The following KALRN variants were observed in gnomAD, a reference collection of about 807,000 sequenced individuals.
KALRN encodes kalirin RhoGEF kinase.
KALRN carries 70 observed loss-of-function variants against 353.7 expected under a neutral mutation model. The observed-to-expected ratio is 0.20, with a 90% CI of 0.16 to 0.24. The LOEUF is 0.24. Ranked by LOEUF, KALRN falls within the 10% of genes least tolerant of loss-of-function variation. KALRN has a pLI of 1.00. For missense variants in KALRN, 2,791 were observed against 3,756.7 expected (o/e 0.74, Z 6.72); for synonymous variants, 1,391 against 1,434.8 (o/e 0.97, Z 0.69).
At chr3:124,621,058 GA>G (rs557148561) in intron 34 of KALRN, among the ~76,000 whole-genome samples, 109 of 152,308 alleles carry the variant, frequency 7.2e-4, no homozygotes, top group Non-Finnish European at 1.4e-3. Context: ...TGAGTCTTTG[GA>G]GATTGCCTGT....
chr3:124,528,434 A>G (rs372498289), intron 33 of KALRN, among the ~76,000 whole-genome samples: 7 of 152,206 alleles, frequency 4.6e-5, no homozygotes, highest in African/African-American at 1.7e-4. Flanking sequence ...GGGTAAATGT[A>G]GCTTCCCTAT....
intron 1 of KALRN, among the ~76,000 whole-genome samples, chr3:124,106,972 C>T (rs1475363003): frequency 1.3e-5 from 2 of 152,138 alleles, no homozygotes; most frequent in Non-Finnish European, 2.9e-5. Context: ...CTCTATCCTT[C>T]CTTGTTATCA....
At chr3:124,061,918 T>A (rs143373618) in intron 1 of KALRN, among the ~76,000 whole-genome samples, 166 of 143,264 alleles carry the variant, frequency 1.2e-3, no homozygotes, top group African/African-American at 3.9e-3. Flanking sequence ...GACTATTTAT[T>A]TAGAACAACA....
intron 13 of KALRN, among the ~76,000 whole-genome samples, chr3:124,404,935 G>A (rs1439278732): frequency 6.6e-6 from 1 of 152,112 alleles, no homozygotes; most frequent in Non-Finnish European, 1.5e-5. Flanking sequence ...CTCCACGTTT[G>A]TAACATGCCA....
At chr3:124,439,213 C>T (rs1441553065) in intron 18 of KALRN, among the ~76,000 whole-genome samples, 176 bp downstream of exon 18, 1 of 151,248 alleles carries the variant, frequency 6.6e-6, no homozygotes, top group Non-Finnish European at 1.5e-5. Flanking sequence ...CACACACACA[C>T]ACACACACAC....
At chr3:124,069,338 G>A (rs4678080) in intron 1 of KALRN, among the ~76,000 whole-genome samples, 1,191 of 111,500 alleles carry the variant, frequency 0.011, 24 homozygotes, top group East Asian at 0.048. Flanking sequence ...GGAGGAGGAG[G>A]AGGAGGAGGA....
At chr3:124,606,562 G>A (rs2077370278) in intron 34 of KALRN, among the ~76,000 whole-genome samples, 1 of 152,070 alleles carries the variant, frequency 6.6e-6, no homozygotes, top group Non-Finnish European at 1.5e-5. Context: ...GTTCTTTGAA[G>A]TTTCTACTTT....
At chr3:124,551,644 G>A (rs1470530251) in intron 33 of KALRN, among the ~76,000 whole-genome samples, 1 of 152,232 alleles carries the variant, frequency 6.6e-6, no homozygotes, top group African/African-American at 2.4e-5. Context: ...CACAACCACA[G>A]CAGTAGCAAG....
chr3:124,584,803 G>T, intron 34 of KALRN: 1 of 1,594,772 alleles, frequency 6.3e-7, no homozygotes, highest in Non-Finnish European at 8.5e-7. Flanking sequence ...ATGCGGGAGC[G>T]CTGGGGCGGC....
At chr3:124,237,535 G>A (rs1396812327) in intron 3 of KALRN, among the ~76,000 whole-genome samples, 1 of 151,978 alleles carries the variant, frequency 6.6e-6, no homozygotes, top group Non-Finnish European at 1.5e-5. Context: ...GCTAATTTTT[G>A]TATTTTTATT....
chr3:124,045,194 G>T (rs1023600540), intron 1 of KALRN, among the ~76,000 whole-genome samples: 1 of 152,094 alleles, frequency 6.6e-6, no homozygotes, highest in African/African-American at 2.4e-5. Context: ...AGGAGGAGGG[G>T]TCTGGGCTCC....
chr3:124,432,288 C>G (rs1456169419), intron 16 of KALRN, among the ~76,000 whole-genome samples: 5 of 152,104 alleles, frequency 3.3e-5, no homozygotes, highest in African/African-American at 9.6e-5. Flanking sequence ...GTGGTGGGTA[C>G]TTGTAATCCC....
chr3:124,494,799 A>T (rs767168764), intron 32 of KALRN, among the ~76,000 whole-genome samples: 4 of 152,212 alleles, frequency 2.6e-5, no homozygotes, highest in Non-Finnish European at 5.9e-5. Flanking sequence ...TTTGAGGTGA[A>T]TTCGTTATTT....
intron 1 of KALRN, chr3:124,095,931 G>C (rs2061417917): frequency 6.6e-6 from 1 of 152,190 alleles, no homozygotes; most frequent in Non-Finnish European, 1.5e-5. Flanking sequence ...TCAATACCAG[G>C]TGGAAGCAGA....
intron 5 of KALRN, among the ~76,000 whole-genome samples, chr3:124,288,841 T>G (rs1278450669): frequency 3.3e-5 from 5 of 152,186 alleles, no homozygotes; most frequent in African/African-American, 1.2e-4. Context: ...AGAGAAAAAG[T>G]TAGCTCTGAG....
chr3:124,094,701 G>A, intron 1 of KALRN: 9 of 727,812 alleles, frequency 1.2e-5, no homozygotes. Context: ...ACTGGTGGCT[G>A]TCTTTGCAGG....
intron 25 of KALRN, among the ~76,000 whole-genome samples, chr3:124,463,928 C>T (rs1352647280): frequency 6.6e-6 from 1 of 152,142 alleles, no homozygotes; most frequent in African/African-American, 2.4e-5. Context: ...AACTGTTTGA[C>T]TTTCTGGAAT....
chr3:124,193,809 G>A (rs1450372438), intron 1 of KALRN, among the ~76,000 whole-genome samples: 1 of 151,864 alleles, frequency 6.6e-6, no homozygotes, highest in Non-Finnish European at 1.5e-5. Flanking sequence ...TACATAGTTT[G>A]AGCTCACAAA....
chr3:124,645,720 G>A (rs1011915265), intron 37 of KALRN, among the ~76,000 whole-genome samples: 1 of 151,386 alleles, frequency 6.6e-6, no homozygotes, highest in African/African-American at 2.4e-5. Context: ...ATAACACTTA[G>A]GGGTTTCCAT....
Sources: allele counts gnomAD v4.1 joint callset (sites outside exome capture counted in the v4.1 genomes callset), GRCh38; gene constraint gnomAD v4.1.1; transcripts MANE v1.5; gene names NCBI Gene and HGNC (gene_info 2026-07-23, HGNC 2026-07-21).